The following KIAA0232 variants were observed in gnomAD, a reference collection of about 807,000 sequenced individuals.
The protein encoded by KIAA0232 is KIAA0232, also known as uncharacterized protein KIAA0232.
A neutral mutation model predicts 122.0 loss-of-function variants in KIAA0232; 27 were observed. That is an observed-to-expected ratio of 0.22 (90% confidence interval 0.16 to 0.31). KIAA0232 has a LOEUF of 0.31. Among genes scored for constraint, KIAA0232 ranks in the 10% least tolerant of loss-of-function variants. The probability of loss-of-function intolerance (pLI) is 1.00; values close to 1 mark genes in which losing one functional copy is unlikely to be tolerated. For missense variants in KIAA0232, 1,551 were observed against 1,634.2 expected, an observed-to-expected ratio of 0.95 and a Z score of 0.88; for synonymous variants, 613 against 587.6, an observed-to-expected ratio of 1.04 and a Z score of -0.63.
At chr4:6,819,999 C>T (rs1177783493) in intron 2 of KIAA0232, among the ~76,000 whole-genome samples, 1 of 152,054 alleles carries the variant, frequency 6.6e-6, no homozygotes, top group Non-Finnish European at 1.5e-5. Context: ...AACGTAGGAA[C>T]AGAAAATAAA....
At chr4:6,816,349 C>A (rs1426197569) in intron 2 of KIAA0232, among the ~76,000 whole-genome samples, 2 of 149,614 alleles carry the variant, frequency 1.3e-5, no homozygotes, top group African/African-American at 4.9e-5. Context: ...GTGGCGTGAT[C>A]TCGGCTCACT....
intron 1 of KIAA0232, among the ~76,000 whole-genome samples, chr4:6,794,255 G>A (rs1356973262): frequency 6.6e-6 from 1 of 152,226 alleles, no homozygotes; most frequent in Non-Finnish European, 1.5e-5. Flanking sequence ...TGTGCATCCT[G>A]CACCGGACAG....
At chr4:6,797,846 C>T (rs1408800786) in intron 1 of KIAA0232, among the ~76,000 whole-genome samples, 5 of 149,346 alleles carry the variant, frequency 3.3e-5, no homozygotes, top group South Asian at 2.1e-4. Context: ...CCGAGGCGGG[C>T]GGATCACAAG....
At chr4:6,874,366 A>AT (rs1560212110) in intron 8 of KIAA0232, among the ~76,000 whole-genome samples, 1 of 152,158 alleles carries the variant, frequency 6.6e-6, no homozygotes, top group African/African-American at 2.4e-5. Flanking sequence ...AGGGACAGGA[A>AT]TGCATTGGGT....
intron 1 of KIAA0232, among the ~76,000 whole-genome samples, chr4:6,793,388 C>T (rs761475790): frequency 6.6e-6 from 1 of 152,118 alleles, no homozygotes; most frequent in Admixed American, 6.5e-5. Flanking sequence ...AAAACTTAGC[C>T]TTAAGAAGTT....
intron 3 of KIAA0232, among the ~76,000 whole-genome samples, chr4:6,836,348 T>C (rs1719269294): frequency 6.6e-6 from 1 of 151,352 alleles, no homozygotes; most frequent in Non-Finnish European, 1.5e-5. Context: ...TTTTTTTTTT[T>C]GGCTTTGCAA....
intron 1 of KIAA0232, among the ~76,000 whole-genome samples, chr4:6,792,482 A>T (rs1211978575): frequency 1.3e-5 from 2 of 152,108 alleles, no homozygotes; most frequent in Admixed American, 6.6e-5. Flanking sequence ...TACTTTTGTT[A>T]AGGCCGGATG....
chr4:6,863,481 T>C lies in KIAA0232; in HGVS notation c.3099T>C (p.Pro1033=). 1 of 1,614,248 alleles carries C rather than the reference T, an allele frequency of 6.2e-7. No homozygotes were observed. The highest frequency in any genetic ancestry group is 8.5e-7 in the Non-Finnish European group (1 of 1,180,048). ...GTGGCAACTTTCAAGTCGAAGATCC[T>C]GGACTTGAATACTCATTTTCTTCCT... is the stretch of plus-strand genomic sequence containing the variant. ...GACGNFQVED[P]GLEYSFSSFD... is the part of the protein sequence containing the mutation. The change falls in exon 7 of 10, where the codon CCT becomes CCC. Residue 1033 remains proline (P), a synonymous_variant. Transcript: ENST00000307659.
rs1447712382 is a variant in KIAA0232 at position 6,883,648 on chromosome 4, G to C, written c.*2682G>C. The C allele has an allele frequency of 6.6e-6, 1 of 152,184 alleles. No individual in the cohort carries two copies. The highest frequency in any genetic ancestry group is 1.5e-5 in the Non-Finnish European group (1 of 68,028). The allele number at this position is 152,184 out of a possible 1,614,324, so 9.4% of individuals were successfully genotyped here. A position where few individuals can be genotyped will look rare whatever the true frequency, so the allele number is the denominator to read the frequency against. On this transcript the variant is annotated 3_prime_UTR_variant, in exon 10 of 10. Coordinates refer to ENST00000307659, the MANE Select transcript of KIAA0232 (RefSeq NM_014743.3). Reference sequence around the variant, plus strand: ...TGCAAAACACATAGCATTTTTGTCCGTGGATGGTACACAAAGCTCAATCTT... The same window carrying C: ...TGCAAAACACATAGCATTTTTGTCCCTGGATGGTACACAAAGCTCAATCTT...
At position 6,864,189 on chromosome 4, in the gene KIAA0232, T is replaced by G. The variant is rs1395539644; in HGVS notation, c.3801+6T>G. ...CTTCGGGACAGCTGGAAGAGGTATG[T>G]GTCTGCGTGTTGGTATTTGACAAAA... On this transcript the variant is annotated splice_donor_region_variant and intron_variant, in intron 7 of 9. Transcript: ENST00000307659. 3 of 1,595,956 alleles carry G rather than the reference T, an allele frequency of 1.9e-6. No homozygotes were observed. The highest frequency in any genetic ancestry group is 2.6e-6 in the Non-Finnish European group (3 of 1,171,088).
intron 5 of KIAA0232, among the ~76,000 whole-genome samples, chr4:6,857,746 C>T (rs546259647): frequency 1.1e-4 from 16 of 152,260 alleles, no homozygotes; most frequent in Non-Finnish European, 1.9e-4. Context: ...TTAGTTATTT[C>T]GATATATGAA....
chr4:6,818,974 G>T (rs914623335), intron 2 of KIAA0232, among the ~76,000 whole-genome samples: 2 of 152,008 alleles, frequency 1.3e-5, no homozygotes, highest in Admixed American at 1.3e-4. Context: ...TAAGCAACAG[G>T]AAAAGGACTC....
At chr4:6,815,374 C>G (rs1412673197) in intron 2 of KIAA0232, among the ~76,000 whole-genome samples, 1 of 152,190 alleles carries the variant, frequency 6.6e-6, no homozygotes, top group Non-Finnish European at 1.5e-5. Context: ...AGTCTCCTTT[C>G]AGTTCACAAC....
rs764980426 is a variant in KIAA0232, at chr4:6,824,478, G to T, written c.25G>T (p.Val9Leu). Residue 9 changes from valine (V) to leucine (L), a missense_variant, in exon 3 of 10, where the codon GTG becomes TTG. Physicochemically the swap from Val to Leu is conservative, Grantham distance 32. Around this residue, in one of 5 missense-constraint regions of KIAA0232, gnomAD observed 37 missense variants for 28.5 expected, o/e 1.30. Transcript: ENST00000307659. MYPICTVV[V>L]DGLPSESSSS... ...CATGTACCCTATCTGTACAGTTGTT[G>T]TGGATGGTTTGCCATCTGAAAGCTC... 63 of 1,614,058 alleles carry T rather than the reference G, an allele frequency of 3.9e-5. No individual in the cohort carries two copies. Among genetic ancestry groups the T allele is most frequent in the Non-Finnish European group, 5.2e-5 (61 of 1,180,012 alleles).
intron 2 of KIAA0232, among the ~76,000 whole-genome samples, chr4:6,821,185 C>T (rs2109019750): frequency 1.3e-5 from 2 of 152,306 alleles, no homozygotes; most frequent in Non-Finnish European, 2.9e-5. Flanking sequence ...GCATTTGTTT[C>T]ACTTTCATTT....
intron 3 of KIAA0232, 75 bp downstream of exon 3, chr4:6,824,759 T>C (rs1358988955): frequency 3.2e-6 from 4 of 1,265,402 alleles, no homozygotes; most frequent in Non-Finnish European, 4.5e-6. Context: ...ACAAGCACTT[T>C]TATACTTTAA....
At chr4:6,823,377 T>C (rs1718512908) in intron 2 of KIAA0232, among the ~76,000 whole-genome samples, 1 of 152,190 alleles carries the variant, frequency 6.6e-6, no homozygotes, top group South Asian at 2.1e-4. Flanking sequence ...ATGGTTGAAC[T>C]AGTTTACAGT....
intron 2 of KIAA0232, among the ~76,000 whole-genome samples, chr4:6,806,623 A>G (rs1485438746): frequency 6.7e-6 from 1 of 150,068 alleles, no homozygotes; most frequent in Non-Finnish European, 1.5e-5. Context: ...AATCCCAGCT[A>G]CTTGGGAGGC....
chr4:6,869,421 C>G, intron 7 of KIAA0232, among the ~76,000 whole-genome samples: 1 of 152,204 alleles, frequency 6.6e-6, no homozygotes, highest in East Asian at 1.9e-4. Context: ...TAAGTAATCT[C>G]ACAGGACAGG....
Sources: gnomAD v4.1 joint callset for allele counts (sites outside exome capture counted in the v4.1 genomes callset) on GRCh38, gnomAD v4.1.1 for gene constraint, gnomAD v4.1.1 regional missense constraint, MANE v1.5 for transcripts, NCBI Gene and HGNC (gene_info 2026-07-23, HGNC 2026-07-21) for gene names.